TBC1D5: variants seen among roughly 807,000 people sequenced by gnomAD.
TBC1D5 encodes the protein TBC1 domain family, member 5.
In TBC1D5, 75 loss-of-function variants were observed where a neutral mutation model predicts 100.3. That is an observed-to-expected ratio of 0.75 (90% CI 0.62 to 0.91). TBC1D5 has a LOEUF of 0.91. Among genes scored for constraint, TBC1D5 ranks in the 40% least tolerant of loss-of-function variants. The probability of loss-of-function intolerance (pLI) is 0.00; values close to 1 mark genes in which losing one functional copy is unlikely to be tolerated. For synonymous variants in TBC1D5, 323 were observed against 325.6 expected, an observed-to-expected ratio of 0.99 and a Z score of 0.09; for missense variants, 910 against 942.4, an observed-to-expected ratio of 0.97 and a Z score of 0.45.
chr3:17,665,018 A>G (rs1338397068), intron 1 of TBC1D5: 1 of 126,848 alleles, frequency 7.9e-6, no homozygotes, highest in Non-Finnish European at 1.6e-5. Context: ...TTTTACCGGA[A>G]AGCCCCGCTA....
At chr3:17,613,348 G>A (rs190700252) in intron 2 of TBC1D5, among the ~76,000 whole-genome samples, 47 of 152,274 alleles carry the variant, frequency 3.1e-4, no homozygotes, top group African/African-American at 1.1e-3. Context: ...ATAAACATAC[G>A]TGTCTATGTT....
chr3:17,315,639 T>G (rs2084603072), intron 13 of TBC1D5, among the ~76,000 whole-genome samples: 1 of 152,184 alleles, frequency 6.6e-6, no homozygotes, highest in Non-Finnish European at 1.5e-5. Context: ...TGTGATGTAG[T>G]GGTGGAAGAG....
chr3:17,174,739 G>A (rs930924535), intron 19 of TBC1D5, among the ~76,000 whole-genome samples: 3 of 152,220 alleles, frequency 2.0e-5, no homozygotes, highest in East Asian at 1.9e-4. Context: ...GATTATAGGC[G>A]TGTGCTACCA....
chr3:17,306,839 G>C (rs73143799), intron 14 of TBC1D5, among the ~76,000 whole-genome samples: 9,185 of 151,940 alleles, frequency 0.06, 535 homozygotes, highest in African/African-American at 0.15. Flanking sequence ...ATAAAATCCA[G>C]TATCCATCAA....
At chr3:17,297,352 G>A (rs755802596) in intron 14 of TBC1D5, among the ~76,000 whole-genome samples, 3 of 152,174 alleles carry the variant, frequency 2.0e-5, no homozygotes, top group Non-Finnish European at 2.9e-5. Context: ...CAAGGTGGGC[G>A]GATCATGAGG....
intron 1 of TBC1D5, among the ~76,000 whole-genome samples, chr3:17,653,978 G>C (rs2065824486): frequency 6.6e-6 from 1 of 152,132 alleles, no homozygotes; most frequent in Non-Finnish European, 1.5e-5. Context: ...CACAAAATTT[G>C]CATCTACTTA....
chr3:17,410,024 C>G (rs188453154), intron 4 of TBC1D5, among the ~76,000 whole-genome samples: 2 of 152,246 alleles, frequency 1.3e-5, no homozygotes, highest in East Asian at 1.9e-4. Flanking sequence ...AGGATGCCAT[C>G]TAGGACTTTC....
At chr3:17,484,411 A>G (rs1467176868) in intron 3 of TBC1D5, among the ~76,000 whole-genome samples, 1 of 151,754 alleles carries the variant, frequency 6.6e-6, no homozygotes. Context: ...ATAATTACTC[A>G]AAGCATCCTG....
At chr3:17,628,612 G>C (rs182915251) in intron 1 of TBC1D5, among the ~76,000 whole-genome samples, 2 of 152,060 alleles carry the variant, frequency 1.3e-5, no homozygotes, top group Admixed American at 1.3e-4. Flanking sequence ...CCCTGGGAAC[G>C]GTTTAATTGT....
intron 2 of TBC1D5, among the ~76,000 whole-genome samples, chr3:17,572,562 G>C (rs1202293930): frequency 2.6e-5 from 4 of 151,888 alleles, no homozygotes; most frequent in Admixed American, 6.6e-5. Context: ...TCAGATAATA[G>C]TAACATAGTA....
intron 1 of TBC1D5, chr3:17,739,216 G>T (rs1239108469): frequency 6.6e-6 from 1 of 152,200 alleles, no homozygotes; most frequent in East Asian, 1.9e-4. Context: ...GGATCAGGTG[G>T]ACTAGCACCA....
intron 1 of TBC1D5, among the ~76,000 whole-genome samples, chr3:17,674,697 G>C (rs2068395065): frequency 6.6e-6 from 1 of 151,856 alleles, no homozygotes; most frequent in South Asian, 2.1e-4. Flanking sequence ...TCCTGCACTG[G>C]GTTTGAGCTT....
intron 1 of TBC1D5, among the ~76,000 whole-genome samples, chr3:17,722,119 C>T (rs1050808621): frequency 1.8e-4 from 28 of 152,140 alleles, no homozygotes; most frequent in African/African-American, 5.8e-4. Flanking sequence ...TATTTTCTTG[C>T]CTTCAAAAAA....
At chr3:17,534,841 T>C (rs1016049144) in intron 2 of TBC1D5, among the ~76,000 whole-genome samples, 3 of 152,020 alleles carry the variant, frequency 2.0e-5, no homozygotes, top group Admixed American at 6.6e-5. Context: ...GTAGGGGGAG[T>C]AGTCCCACTT....
At chr3:17,711,124 G>A (rs151007256) in intron 1 of TBC1D5, among the ~76,000 whole-genome samples, 141 of 152,132 alleles carry the variant, frequency 9.3e-4, no homozygotes, top group African/African-American at 3.2e-3. Context: ...AGAGTTTGGC[G>A]CCTGAGATGG....
intron 3 of TBC1D5, among the ~76,000 whole-genome samples, chr3:17,494,705 T>C (rs2095682901): frequency 1.3e-5 from 2 of 152,232 alleles, no homozygotes; most frequent in South Asian, 4.2e-4. Context: ...TGTGAGGAAT[T>C]CCTCCTAGCC....
intron 3 of TBC1D5, among the ~76,000 whole-genome samples, chr3:17,433,005 T>C (rs1214633739): frequency 6.8e-6 from 1 of 147,298 alleles, no homozygotes; most frequent in African/African-American, 2.6e-5. Flanking sequence ...CTTAAAAATT[T>C]CGTGGTGTTT....
At chr3:17,723,729 C>T (rs991770751) in intron 1 of TBC1D5, among the ~76,000 whole-genome samples, 4 of 151,988 alleles carry the variant, frequency 2.6e-5, no homozygotes, top group African/African-American at 7.2e-5. Flanking sequence ...GCATAAAATA[C>T]ATGTAGATAC....
intron 1 of TBC1D5, among the ~76,000 whole-genome samples, chr3:17,688,911 T>G (rs1354913713): frequency 6.6e-6 from 1 of 152,226 alleles, no homozygotes; most frequent in African/African-American, 2.4e-5. Flanking sequence ...TAACATAAAT[T>G]ATATCTTTCT....
Sources: gnomAD v4.1 joint callset for allele counts (sites outside exome capture counted in the v4.1 genomes callset) on GRCh38, gnomAD v4.1.1 for gene constraint, MANE v1.5 for transcripts, NCBI Gene and HGNC (gene_info 2026-07-23, HGNC 2026-07-21) for gene names.